The following ZPBP variants were observed in gnomAD, a reference collection of about 807,000 sequenced individuals.
ZPBP encodes zona pellucida-binding protein 1.
ZPBP carries 26 observed loss-of-function variants against 44.8 expected under a neutral mutation model. The ratio of observed to expected loss-of-function variants is 0.58; its 90% CI spans 0.43 to 0.81. The LOEUF is 0.81. ZPBP is among the 30% of genes least tolerant of loss of function. The pLI is 0.00. For missense variants in ZPBP, 409 were observed against 434.0 expected, an observed-to-expected ratio of 0.94 and a Z score of 0.51; for synonymous variants, 174 against 153.2, an observed-to-expected ratio of 1.14 and a Z score of -1.00.
chr7:50,086,483 G>A (rs559899867), intron 2 of ZPBP, among the ~76,000 whole-genome samples: 1 of 152,044 alleles, frequency 6.6e-6, no homozygotes, highest in African/African-American at 2.4e-5. Context: ...AATAAAGAAT[G>A]TGTGATATTC....
intron 6 of ZPBP, among the ~76,000 whole-genome samples, chr7:50,011,649 T>A (rs1171592193): frequency 6.6e-6 from 1 of 152,158 alleles, no homozygotes; most frequent in Non-Finnish European, 1.5e-5. Context: ...ATATACACAG[T>A]GTGTCTTTAA....
At chr7:50,059,561 T>A (rs141537537) in intron 3 of ZPBP, among the ~76,000 whole-genome samples, 215 of 152,252 alleles carry the variant, frequency 1.4e-3, no homozygotes, top group African/African-American at 4.7e-3. Context: ...AGTTAACAGT[T>A]TGCAAGAGTT....
At chr7:50,000,698 A>G (rs1798054553) in intron 6 of ZPBP, among the ~76,000 whole-genome samples, 1 of 152,176 alleles carries the variant, frequency 6.6e-6, no homozygotes, top group African/African-American at 2.4e-5. Flanking sequence ...TATTTGAATG[A>G]TGCTCAGCAT....
intron 2 of ZPBP, among the ~76,000 whole-genome samples, chr7:49,860,437 C>G (rs1466546236): frequency 1.3e-5 from 2 of 152,204 alleles, no homozygotes; most frequent in Non-Finnish European, 2.9e-5. Context: ...GTGCTTCATT[C>G]CTTTCTGTGG....
intron 2 of ZPBP, among the ~76,000 whole-genome samples, chr7:49,861,042 T>C (rs1790631979): frequency 6.6e-6 from 1 of 152,258 alleles, no homozygotes; most frequent in Admixed American, 6.5e-5. Context: ...AACTCTGTTT[T>C]AATGTTTTTA....
intron 2 of ZPBP, among the ~76,000 whole-genome samples, chr7:49,857,723 G>C (rs1790482395): frequency 6.6e-6 from 1 of 152,118 alleles, no homozygotes; most frequent in African/African-American, 2.4e-5. Context: ...TGTAGTCCTT[G>C]TCAAAAACAG....
At chr7:49,972,629 T>A (rs1796345392) in intron 7 of ZPBP, among the ~76,000 whole-genome samples, 1 of 152,044 alleles carries the variant, frequency 6.6e-6, no homozygotes, top group Admixed American at 6.6e-5. Context: ...TTGGTAGACT[T>A]AATATTATTA....
At chr7:49,842,678 T>C in the ZPBP span, among the ~76,000 whole-genome samples, 1 of 152,220 alleles carries the variant, frequency 6.6e-6, no homozygotes, top group Non-Finnish European at 1.5e-5. Context: ...GGAATAAATA[T>C]GGGAGATAAT....
intron 2 of ZPBP, among the ~76,000 whole-genome samples, chr7:49,868,372 G>C (rs554897218): frequency 6.6e-6 from 1 of 152,248 alleles, no homozygotes; most frequent in East Asian, 1.9e-4. Context: ...TCATTTCCTT[G>C]ATCATAAATC....
chr7:49,948,068 A>G (rs1019611801), intron 7 of ZPBP, among the ~76,000 whole-genome samples: 2 of 152,342 alleles, frequency 1.3e-5, no homozygotes, highest in East Asian at 3.9e-4. Context: ...GAATGCTGCC[A>G]GTTCTGAGTC....
chr7:50,057,029 C>CA (rs1480122582), intron 4 of ZPBP, among the ~76,000 whole-genome samples: 4 of 151,864 alleles, frequency 2.6e-5, no homozygotes, highest in Non-Finnish European at 5.9e-5. Context: ...ACCAAAAATA[C>CA]AAAAAATTAG....
chr7:50,064,945 T>C (rs1222830119), intron 3 of ZPBP, among the ~76,000 whole-genome samples: 1 of 152,202 alleles, frequency 6.6e-6, no homozygotes, highest in East Asian at 1.9e-4. Flanking sequence ...CTTTACAATT[T>C]TATGTTTAGA....
rs566545331 is a variant in ZPBP at position 50,006,957 on chromosome 7, C to T, written c.783+11283G>A. Among the ~76,000 whole-genome samples, 9 of 152,038 alleles carry T rather than the reference C, an allele frequency of 5.9e-5. No individual in the cohort carries two copies. In the East Asian group the frequency reaches 1.7e-3, roughly 29 times the overall value. On this transcript the variant is annotated intron_variant, in intron 6 of 7. Coordinates refer to ENST00000046087, the MANE Select transcript of ZPBP (RefSeq NM_007009.3). ...TCCCCCAAAAATTCATATGTTGAAA[C>T]TTAAATGCCAAGGTAGGGCCTTTGG...
At chr7:50,076,265 C>T (rs1802075012) in intron 3 of ZPBP, among the ~76,000 whole-genome samples, 1 of 151,654 alleles carries the variant, frequency 6.6e-6, no homozygotes, top group Non-Finnish European at 1.5e-5. Context: ...AGAAGGAACA[C>T]ACCTCAAAAT....
intron 7 of ZPBP, among the ~76,000 whole-genome samples, chr7:49,981,430 T>A (rs1299745530): frequency 2.1e-5 from 1 of 48,578 alleles, no homozygotes; most frequent in African/African-American, 1.1e-4. Context: ...TAATATAAAA[T>A]ATATATAATA....
rs372844627 is a variant in ZPBP, at chr7:49,900,633, T to A, written n.509+485A>T. Among the ~76,000 whole-genome samples the A allele has an allele frequency of 1.3e-4, 20 of 151,890 alleles. No homozygotes were observed. The East Asian group carries it at 2.9e-3, about 22-fold the overall frequency. The stretch of plus-strand genomic sequence containing the variant: ...ATGAAATAGATACTCCAAATAGGTC[T>A]ATATATATAAAAGAGATATAATCAA... On this transcript the variant is annotated intron_variant and non_coding_transcript_variant, in intron 2 of 2. Coordinates refer to the ZPBP transcript ENST00000465922.
chr7:49,870,344 G>C (rs1280393794), intron 2 of ZPBP, among the ~76,000 whole-genome samples: 1 of 152,174 alleles, frequency 6.6e-6, no homozygotes, highest in Non-Finnish European at 1.5e-5. Context: ...AGCTTGCAGT[G>C]AGCGAAGATT....
Position 50,031,153 on chromosome 7 carries a change from T to C in ZPBP, c.645A>G (p.Glu215=). ...LSCEISLLKS[E]CHRVKMQRAG... ...CTCTTTGCATTTTAACGCGATGGCA[T>C]TCAGACTTAAGTAAGGAAATTTCAC... is the stretch of plus-strand genomic sequence containing the variant. Residue 215 remains glutamate, a synonymous_variant, in exon 5 of 8, where the codon GAA becomes GAG. Transcript: ENST00000046087. 6.2e-7 allele frequency: 1 copy of C among 1,613,824 alleles called. No homozygotes were observed. The highest frequency in any genetic ancestry group is 8.5e-7 in the Non-Finnish European group (1 of 1,179,850).
intron 4 of ZPBP, among the ~76,000 whole-genome samples, chr7:50,043,732 C>A (rs753964392): frequency 4.6e-5 from 7 of 152,104 alleles, no homozygotes; most frequent in Non-Finnish European, 8.8e-5. Context: ...ACTTTAAGAC[C>A]TCACTGTCAA....
Sources: gnomAD v4.1 joint callset for allele counts (sites outside exome capture counted in the v4.1 genomes callset) on GRCh38, gnomAD v4.1.1 for gene constraint, MANE v1.5 for transcripts, NCBI Gene and HGNC (gene_info 2026-07-23, HGNC 2026-07-21) for gene names.